The following RABGAP1 variants were observed in gnomAD, a reference collection of about 807,000 sequenced individuals.
The protein encoded by RABGAP1 is rab GTPase-activating protein 1.
Under a neutral mutation model 137.6 loss-of-function variants are expected in RABGAP1, and 23 were observed. That is an observed-to-expected ratio of 0.17 (90% CI 0.12 to 0.24). The LOEUF (loss-of-function observed/expected upper bound fraction) is 0.24, where lower values mean the gene tolerates loss of function less well. RABGAP1 is among the 10% of genes least tolerant of loss of function. The probability of loss-of-function intolerance (pLI) is 1.00; values close to 1 mark genes in which losing one functional copy is unlikely to be tolerated. For synonymous variants in RABGAP1, 451 were observed against 450.7 expected (o/e 1.00, Z -0.01); for missense variants, 906 against 1,275.8 (o/e 0.71, Z 4.42).
At chr9:122,943,072 C>CTTTTTTTTTTTTTTT (rs10582436) in intron 1 of RABGAP1, among the ~76,000 whole-genome samples, 2 of 116,224 alleles carry the variant, frequency 1.7e-5, no homozygotes, top group African/African-American at 8.5e-5. Context: ...GGTGCACTTT[C>CTTTTTTTTTTTTTTT]TTTTTTTTTT....
intron 11 of RABGAP1, among the ~76,000 whole-genome samples, chr9:123,014,653 G>GT (rs1237925152): frequency 7.6e-6 from 1 of 131,430 alleles, no homozygotes; most frequent in Non-Finnish European, 1.5e-5. Flanking sequence ...AAGAAAAGAG[G>GT]TTTAATTTTT....
chr9:123,065,546 A>C, intron 14 of RABGAP1, 85 bp downstream of exon 14: 3 of 1,011,742 alleles, frequency 3.0e-6, no homozygotes, highest in Non-Finnish European at 4.7e-6. Flanking sequence ...ACAAAGTGTA[A>C]TTTGTATTTG....
chr9:122,994,109 A>T (rs1400776971), intron 6 of RABGAP1, among the ~76,000 whole-genome samples: 3 of 152,234 alleles, frequency 2.0e-5, no homozygotes, highest in African/African-American at 7.2e-5. Context: ...CCTGTACTTC[A>T]GTTTCTTATT....
chr9:123,068,831 G>A (rs961721353), intron 14 of RABGAP1, among the ~76,000 whole-genome samples: 1 of 152,156 alleles, frequency 6.6e-6, no homozygotes, highest in African/African-American at 2.4e-5. Context: ...ATATTAACTT[G>A]ACTAGCATCT....
At chr9:123,025,543 CTTT>C (rs577474947) in intron 13 of RABGAP1, among the ~76,000 whole-genome samples, 7 of 75,008 alleles carry the variant, frequency 9.3e-5, no homozygotes, top group Non-Finnish European at 1.4e-4. Context: ...TCTTTCTTTT[CTTT>C]TTTTTTTTTT....
intron 19 of RABGAP1, among the ~76,000 whole-genome samples, chr9:123,078,054 A>G (rs1306681710): frequency 2.0e-5 from 3 of 152,156 alleles, no homozygotes; most frequent in African/African-American, 4.8e-5. Flanking sequence ...ATGTGTAGCT[A>G]TTAGGGGTTT....
In RABGAP1 at chr9:122,989,439, A is replaced by G. The variant is rs1836548870; in HGVS notation, c.733A>G (p.Ile245Val). ...ESHYNAELFR[I>V]HVFRCEIQEA... is the part of the protein sequence containing the mutation. Reference sequence around the variant, plus strand: ...TCATTACAATGCAGAGCTCTTCAGAATACACGTCTTCCGGTGTGAAATACA... The same window carrying G: ...TCATTACAATGCAGAGCTCTTCAGAGTACACGTCTTCCGGTGTGAAATACA... The change falls in exon 5 of 26, where the codon ATA (isoleucine) becomes GTA (valine). Residue 245 changes from isoleucine to valine, a missense_variant. Transcript: ENST00000373647. 6.2e-7 allele frequency: 1 copy of G among 1,614,064 alleles called. No individual in the cohort carries two copies. The highest frequency in any genetic ancestry group is 1.3e-5 in the African/African-American group (1 of 75,064).
intron 17 of RABGAP1, among the ~76,000 whole-genome samples, chr9:123,075,287 G>A (rs1368592403): frequency 1.3e-5 from 2 of 151,766 alleles, no homozygotes; most frequent in East Asian, 3.9e-4. Context: ...CATATGGATG[G>A]AACACTATAT....
intron 13 of RABGAP1, among the ~76,000 whole-genome samples, chr9:123,056,978 A>G (rs1162568682): frequency 2.0e-5 from 3 of 152,146 alleles, no homozygotes; most frequent in South Asian, 2.1e-4. Flanking sequence ...CCCGTTCTCA[A>G]TGAGCTATTG....
chr9:123,052,677 C>T (rs2033535607), intron 13 of RABGAP1, among the ~76,000 whole-genome samples: 1 of 152,204 alleles, frequency 6.6e-6, no homozygotes, highest in African/African-American at 2.4e-5. Context: ...CGCCTGTAAT[C>T]CCAGCACTTT....
intron 2 of RABGAP1, among the ~76,000 whole-genome samples, chr9:122,971,336 A>G (rs928807511): frequency 2.6e-5 from 4 of 152,232 alleles, no homozygotes; most frequent in African/African-American, 9.6e-5. Context: ...GGCACCTTAC[A>G]GAAGCAATTG....
chr9:122,931,968 G>A, the RABGAP1 span, among the ~76,000 whole-genome samples: 1 of 152,116 alleles, frequency 6.6e-6, no homozygotes, highest in African/African-American at 2.4e-5. Flanking sequence ...TGTTTTTCAG[G>A]GTTCTTGCCT....
At chr9:123,016,530 A>G in intron 12 of RABGAP1, among the ~76,000 whole-genome samples, 1 of 145,874 alleles carries the variant, frequency 6.9e-6, no homozygotes, top group East Asian at 2.0e-4. Flanking sequence ...AAGAAAAAAT[A>G]CCAAACAAAA....
chr9:122,991,084 G>C (rs943083628), intron 6 of RABGAP1, among the ~76,000 whole-genome samples: 3 of 151,510 alleles, frequency 2.0e-5, no homozygotes, highest in Non-Finnish European at 2.9e-5. Context: ...TCCTTTGAGT[G>C]GTGGAAAGAA....
chr9:123,019,077 C>T (rs2031441251), intron 12 of RABGAP1, among the ~76,000 whole-genome samples: 1 of 152,148 alleles, frequency 6.6e-6, no homozygotes, highest in South Asian at 2.1e-4. Context: ...AAATAAGATA[C>T]TGTATGCAGA....
At chr9:123,062,923 G>A (rs571695437) in intron 13 of RABGAP1, among the ~76,000 whole-genome samples, 4 of 151,914 alleles carry the variant, frequency 2.6e-5, no homozygotes, top group African/African-American at 9.7e-5. Flanking sequence ...CAAGTAGCTG[G>A]GATTACAGGC....
chr9:122,998,872 A>G (rs1837175996), intron 10 of RABGAP1, 106 bp downstream of exon 10: 1 of 636,998 alleles, frequency 1.6e-6, no homozygotes, highest in Non-Finnish European at 2.4e-6. Flanking sequence ...GTGTATTTTA[A>G]ATATATTAAG....
At chr9:123,076,969 C>A (rs940440236) in intron 19 of RABGAP1, 5 of 222,280 alleles carry the variant, frequency 2.2e-5, no homozygotes, top group African/African-American at 2.3e-5. Flanking sequence ...AAAATACTTT[C>A]CTATATATTA....
intron 13 of RABGAP1, among the ~76,000 whole-genome samples, chr9:123,031,759 G>T (rs893437077): frequency 5.0e-4 from 76 of 152,160 alleles, no homozygotes; most frequent in African/African-American, 1.7e-3. Flanking sequence ...TGGGAAAAAG[G>T]TTTTTGATTT....
Sources: allele counts gnomAD v4.1 joint callset (sites outside exome capture counted in the v4.1 genomes callset), GRCh38; gene constraint gnomAD v4.1.1; transcripts MANE v1.5; gene names NCBI Gene and HGNC (gene_info 2026-07-23, HGNC 2026-07-21).